The following CNOT2 variants were observed in gnomAD, a reference collection of about 807,000 sequenced individuals.
The protein encoded by CNOT2 is CC chemokine receptor 4-negative regulator of transcription 2.
A neutral mutation model predicts 72.1 loss-of-function variants in CNOT2; 7 were observed. The observed-to-expected ratio is 0.10, with a 90% confidence interval of 0.06 to 0.18. The LOEUF (loss-of-function observed/expected upper bound fraction) is 0.18, where lower values mean the gene tolerates loss of function less well. Among genes scored for constraint, CNOT2 ranks in the 10% least tolerant of loss-of-function variants. The pLI, the probability that CNOT2 is intolerant of heterozygous loss-of-function variation, is 1.00. For synonymous variants in CNOT2, 196 were observed against 225.6 expected (o/e 0.87, Z 1.17); for missense variants, 345 against 660.3 (o/e 0.52, Z 5.23).
At chr12:70,323,210 A>C (rs1878568691) in intron 4 of CNOT2, 2 of 151,666 alleles carry the variant, frequency 1.3e-5, no homozygotes, top group Non-Finnish European at 2.9e-5. Flanking sequence ...GTGTGGTAGA[A>C]GAGATCATCC....
intron 2 of CNOT2, among the ~76,000 whole-genome samples, chr12:70,309,532 G>A (rs751416018): frequency 1.3e-5 from 2 of 152,046 alleles, no homozygotes; most frequent in Admixed American, 6.6e-5. Context: ...AGTTCACCAC[G>A]TCTACTGATA....
intron 2 of CNOT2, among the ~76,000 whole-genome samples, chr12:70,300,519 C>G (rs1292093177): frequency 1.3e-5 from 2 of 152,144 alleles, no homozygotes; most frequent in Non-Finnish European, 2.9e-5. Flanking sequence ...TGTCAAAGAT[C>G]AGATGGTTGT....
At chr12:70,278,710 T>A (rs907461897) in intron 2 of CNOT2, among the ~76,000 whole-genome samples, 2 of 152,176 alleles carry the variant, frequency 1.3e-5, no homozygotes, top group South Asian at 4.1e-4. Flanking sequence ...GAAATAGAAA[T>A]GAGAAACCCA....
In CNOT2 at chr12:70,346,247, C is replaced by A; in HGVS notation, c.1459C>A (p.Pro487Thr). Reference sequence around the variant, plus strand: ...GATTACCAGGGCACCAGGCATGGAGCCAACAATGAAAACCAATACCTATGA... The same window carrying A: ...GATTACCAGGGCACCAGGCATGGAGACAACAATGAAAACCAATACCTATGA... ...VWITRAPGME[P>T]TMKTNTYERG... The change falls in exon 15 of 16, where the codon CCA becomes ACA. Residue 487 changes from proline (P) to threonine (T), a missense_variant. By Grantham distance (38) the Pro-to-Thr change is conservative (BLOSUM62 -1). Coordinates refer to ENST00000229195, the MANE Select transcript of CNOT2 (RefSeq NM_014515.7). 6.2e-7 allele frequency: 1 copy of A among 1,609,336 alleles called. No homozygotes were observed. Among genetic ancestry groups the A allele is most frequent in the Non-Finnish European group, 8.5e-7 (1 of 1,175,800 alleles).
chr12:70,259,188 ACCT>A (rs891085346), intron 1 of CNOT2, among the ~76,000 whole-genome samples: 1 of 151,710 alleles, frequency 6.6e-6, no homozygotes, highest in Non-Finnish European at 1.5e-5. Flanking sequence ...TGACTTCAAA[ACCT>A]CCTGAATTTT....
intron 1 of CNOT2, among the ~76,000 whole-genome samples, chr12:70,254,480 G>A (rs1958322393): frequency 1.3e-5 from 2 of 152,158 alleles, no homozygotes; most frequent in East Asian, 1.9e-4. Context: ...TAAAACGTAT[G>A]AATTATTTAT....
chr12:70,293,908 G>A (rs1872383210), intron 2 of CNOT2, among the ~76,000 whole-genome samples: 1 of 136,878 alleles, frequency 7.3e-6, no homozygotes, highest in African/African-American at 2.7e-5. Flanking sequence ...TTTGTGGTGA[G>A]CACTGCTTTT....
chr12:70,341,493 A>G (rs1881503822), intron 11 of CNOT2, among the ~76,000 whole-genome samples: 1 of 152,058 alleles, frequency 6.6e-6, no homozygotes, highest in Non-Finnish European at 1.5e-5. Context: ...CTCCCCTCCC[A>G]GTTCCCCTCT....
chr12:70,297,424 A>G (rs1264230920), intron 2 of CNOT2, among the ~76,000 whole-genome samples: 1 of 152,206 alleles, frequency 6.6e-6, no homozygotes, highest in Non-Finnish European at 1.5e-5. Context: ...TGACACCTGT[A>G]CCAACATGTT....
In CNOT2 at chr12:70,335,200, C is replaced by T. The variant is rs1241330021; in HGVS notation, c.650-238C>T. On this transcript the variant is annotated intron_variant, in intron 7 of 15. Coordinates refer to ENST00000229195, the MANE Select transcript of CNOT2 (RefSeq NM_014515.7). ...GCTTTTTATTCTCTTTGTTACATCT[C>T]TAGGATTTGGGGTTTCTATTATGCT... 5 of 325,094 alleles carry T rather than the reference C, an allele frequency of 1.5e-5. No homozygotes were observed. In the Admixed American group the frequency reaches 2.2e-4, roughly 15 times the overall value. The allele number at this position is 325,094 out of a possible 1,614,324, so 20.1% of individuals were successfully genotyped here. A position where few individuals can be genotyped will look rare whatever the true frequency, so the allele number is the denominator to read the frequency against.
At chr12:70,249,254 A>T (rs1958026230) in intron 1 of CNOT2, among the ~76,000 whole-genome samples, 1 of 151,928 alleles carries the variant, frequency 6.6e-6, no homozygotes, top group African/African-American at 2.4e-5. Flanking sequence ...AGAATCTTTC[A>T]TAGGTCAGTA....
chr12:70,351,445 G>T lies in CNOT2; in HGVS notation c.1537-2384G>T, dbSNP rs913919729. ...AAGAATAAAAGTACGTGGAAAACAA[G>T]ATTTTAAAACGTGGAAGGCAAAATT... On this transcript the variant is annotated intron_variant, in intron 15 of 15. Coordinates refer to ENST00000229195, the MANE Select transcript of CNOT2 (RefSeq NM_014515.7). Among the ~76,000 whole-genome samples, 69 of 152,080 alleles carry T rather than the reference G, an allele frequency of 4.5e-4. 2 individuals are homozygous for T. Among genetic ancestry groups the T allele is most frequent in the Admixed American group, 4.5e-3 (68 of 15,272 alleles).
Position 70,261,305 on chromosome 12 carries a change from C to CTTT in CNOT2, c.-95-16802_-95-16800dup, listed in dbSNP as rs71437141. On this transcript the variant is annotated intron_variant, in intron 1 of 15. Transcript: ENST00000229195. ...ATCTTTGTGCCTATTTTCTTTCTTT[C>CTTT]TTTTTTTTTTTTTTTTTTTTTTTTT... 6.5e-3 allele frequency among the ~76,000 whole-genome samples: 284 copies of CTTT among 43,376 alleles called. 25 individuals are homozygous for CTTT. Among genetic ancestry groups the CTTT allele is most frequent in the East Asian group, 0.013 (10 of 760 alleles). The allele number at this position is 43,376 out of a possible 152,430, so 28.5% of individuals were successfully genotyped here.
At chr12:70,292,089 C>G (rs1872014143) in intron 2 of CNOT2, among the ~76,000 whole-genome samples, 1 of 152,146 alleles carries the variant, frequency 6.6e-6, no homozygotes, top group Non-Finnish European at 1.5e-5. Flanking sequence ...AAAGAGAAAA[C>G]TAGTAGTTTA....
At chr12:70,344,090 T>G (rs1881857803) in intron 13 of CNOT2, 38 bp from the exon 14 acceptor site, 1 of 1,423,628 alleles carries the variant, frequency 7.0e-7, no homozygotes, top group Non-Finnish European at 9.8e-7. Context: ...TTTGCAGATT[T>G]GTTTTATATT....
At chr12:70,254,563 C>T (rs1022579425) in intron 1 of CNOT2, among the ~76,000 whole-genome samples, 3 of 152,072 alleles carry the variant, frequency 2.0e-5, no homozygotes, top group Non-Finnish European at 4.4e-5. Context: ...AAGAAGAAAC[C>T]GCGGATAAGG....
In CNOT2 at chr12:70,307,424, A is replaced by G. The variant is rs117363322; in HGVS notation, c.49-3471A>G. On this transcript the variant is annotated intron_variant, in intron 2 of 15. Transcript: ENST00000229195. ...TGTTTTGTTGAAAACTGATACACAC[A>G]CTCATGTATTTGCTTAGGTCTATCA... 4.7e-3 allele frequency among the ~76,000 whole-genome samples: 715 copies of G among 151,982 alleles called. 2 individuals are homozygous for G. Among genetic ancestry groups the G allele is most frequent in the Middle Eastern group, 0.01 (3 of 294 alleles).
chr12:70,299,910 G>C (rs544774998), intron 2 of CNOT2, among the ~76,000 whole-genome samples: 1 of 152,130 alleles, frequency 6.6e-6, no homozygotes, highest in Non-Finnish European at 1.5e-5. Flanking sequence ...TTTAATGATT[G>C]CCATTCTAAC....
intron 4 of CNOT2, among the ~76,000 whole-genome samples, chr12:70,326,157 GTTA>G (rs1219895797): frequency 6.6e-6 from 1 of 151,688 alleles, no homozygotes; most frequent in African/African-American, 2.4e-5. Flanking sequence ...ATATTGTGTT[GTTA>G]TTATCAATTG....
Sources: gnomAD v4.1 joint callset for allele counts (sites outside exome capture counted in the v4.1 genomes callset) on GRCh38, gnomAD v4.1.1 for gene constraint, MANE v1.5 for transcripts, NCBI Gene and HGNC (gene_info 2026-07-23, HGNC 2026-07-21) for gene names.